The following KLHL8 variants were observed in gnomAD, a reference collection of about 807,000 sequenced individuals.
KLHL8 encodes kelch-like protein 8.
In KLHL8, 38 loss-of-function variants were observed where a neutral mutation model predicts 63.5. The ratio of observed to expected loss-of-function variants is 0.60; its 90% CI spans 0.46 to 0.78. KLHL8 has a LOEUF of 0.78. Among genes scored for constraint, KLHL8 ranks in the 30% least tolerant of loss-of-function variants. The pLI, the probability that KLHL8 is intolerant of heterozygous loss-of-function variation, is 0.00. For missense variants in KLHL8, 566 were observed against 752.4 expected (o/e 0.75, Z 2.90); for synonymous variants, 224 against 254.3 (o/e 0.88, Z 1.13).
At chr4:87,206,032 T>C (rs1051102755) in intron 1 of KLHL8, among the ~76,000 whole-genome samples, 8 of 152,222 alleles carry the variant, frequency 5.3e-5, no homozygotes, top group African/African-American at 9.6e-5. Flanking sequence ...CTTTTACAAG[T>C]AGCAACACCA....
At chr4:87,207,229 G>A in intron 1 of KLHL8, 1 of 565,566 alleles carries the variant, frequency 1.8e-6, no homozygotes, top group Non-Finnish European at 3.3e-6. Flanking sequence ...ACATGTTCCA[G>A]TAGGATTTTA....
At chr4:87,215,910 T>G (rs1470694020) in intron 1 of KLHL8, among the ~76,000 whole-genome samples, 1 of 152,206 alleles carries the variant, frequency 6.6e-6, no homozygotes, top group Non-Finnish European at 1.5e-5. Flanking sequence ...TAATAAAATT[T>G]TATACTCTAT....
At chr4:87,184,244 T>C (rs1429947837) in intron 3 of KLHL8, among the ~76,000 whole-genome samples, 2 of 152,218 alleles carry the variant, frequency 1.3e-5, no homozygotes, top group Non-Finnish European at 2.9e-5. Context: ...AAAATAATTC[T>C]GAGAAGATGT....
intron 1 of KLHL8, among the ~76,000 whole-genome samples, chr4:87,197,776 T>G (rs1377335698): frequency 1.3e-5 from 2 of 152,074 alleles, no homozygotes; most frequent in Non-Finnish European, 2.9e-5. Flanking sequence ...ACATTCCTGC[T>G]GCAAAATCAA....
At chr4:87,178,450 T>C (rs773563552) in intron 5 of KLHL8, 27 bp downstream of exon 5, 4 of 1,576,588 alleles carry the variant, frequency 2.5e-6, no homozygotes, top group African/African-American at 1.4e-5. Flanking sequence ...TGTGATCATA[T>C]GATATTTCAG....
intron 1 of KLHL8, chr4:87,207,467 C>G (rs1328169349): frequency 1.3e-6 from 1 of 744,776 alleles, no homozygotes; most frequent in African/African-American, 1.7e-5. Context: ...TTTGTTGACG[C>G]CCCCATGTTA....
At chr4:87,227,895 T>G (rs1424894411) in intron 1 of KLHL8, among the ~76,000 whole-genome samples, 6 of 152,158 alleles carry the variant, frequency 3.9e-5, no homozygotes, top group Non-Finnish European at 2.9e-5. Context: ...TTACAGTAAA[T>G]TATGCAACCC....
intron 1 of KLHL8, among the ~76,000 whole-genome samples, chr4:87,235,053 AGGGTTGG>A: frequency 3.3e-5 from 5 of 152,226 alleles, no homozygotes; most frequent in Non-Finnish European, 5.9e-5. Flanking sequence ...ACAGTAAGCT[AGGGTTGG>A]TTTATTACCA....
At chr4:87,180,493 C>T (rs1431415993) in intron 4 of KLHL8, among the ~76,000 whole-genome samples, 2 of 152,152 alleles carry the variant, frequency 1.3e-5, no homozygotes, top group African/African-American at 2.4e-5. Flanking sequence ...CCCATTATAC[C>T]TTATGAAGAT....
At chr4:87,197,702 T>C (rs541734766) in intron 1 of KLHL8, among the ~76,000 whole-genome samples, 1 of 152,310 alleles carries the variant, frequency 6.6e-6, no homozygotes, top group African/African-American at 2.4e-5. Context: ...TAAAATTTTA[T>C]CTGAGGAAAG....
At chr4:87,173,540 T>C (rs927512587) in intron 6 of KLHL8, among the ~76,000 whole-genome samples, 1 of 152,166 alleles carries the variant, frequency 6.6e-6, no homozygotes, top group South Asian at 2.1e-4. Flanking sequence ...AAAATAAAGA[T>C]AACCAGATAT....
intron 1 of KLHL8, among the ~76,000 whole-genome samples, chr4:87,216,370 C>CA (rs1280680183): frequency 1.3e-5 from 2 of 151,996 alleles, no homozygotes; most frequent in East Asian, 1.9e-4. Flanking sequence ...TTCCTTTCCA[C>CA]AAAAAACTAA....
At chr4:87,232,017 T>C (rs1483970738) in intron 1 of KLHL8, among the ~76,000 whole-genome samples, 1 of 152,232 alleles carries the variant, frequency 6.6e-6, no homozygotes, top group Non-Finnish European at 1.5e-5. Context: ...CTTTCAAAGC[T>C]AATAATTTCT....
intron 1 of KLHL8, among the ~76,000 whole-genome samples, chr4:87,210,252 C>T (rs915439753): frequency 6.6e-6 from 1 of 152,082 alleles, no homozygotes; most frequent in Non-Finnish European, 1.5e-5. Context: ...GAGGCCGAGG[C>T]GGGCGGATCA....
At position 87,163,025 on chromosome 4, in the gene KLHL8, G is replaced by A. The variant is rs1730232751; in HGVS notation, c.*494C>T. ...AAAAATCACCACCTAGAAAAAAAAA[G>A]CTAGGCATAAATTCATCAGCACCAA... On this transcript the variant is annotated 3_prime_UTR_variant, in exon 10 of 10. Transcript: ENST00000273963. The A allele has an allele frequency of 6.6e-6, 1 of 151,436 alleles. No individual in the cohort carries two copies. The highest frequency in any genetic ancestry group is 2.1e-4 in the South Asian group (1 of 4,756). The allele number at this position is 151,436 out of a possible 1,614,324, so 9.4% of individuals were successfully genotyped here.
chr4:87,165,023 C>T (rs1337272808), intron 8 of KLHL8, among the ~76,000 whole-genome samples: 1 of 151,720 alleles, frequency 6.6e-6, no homozygotes, highest in African/African-American at 2.4e-5. Flanking sequence ...GTGGCGGGCG[C>T]CTGTAGTCCC....
At chr4:87,229,050 A>G (rs1170345813) in intron 1 of KLHL8, among the ~76,000 whole-genome samples, 1 of 152,252 alleles carries the variant, frequency 6.6e-6, no homozygotes. Context: ...TTTTCAAAGA[A>G]GCAGAACCAG....
intron 8 of KLHL8, among the ~76,000 whole-genome samples, chr4:87,166,351 C>T (rs749956176): frequency 2.0e-5 from 3 of 152,148 alleles, no homozygotes; most frequent in African/African-American, 4.8e-5. Context: ...TGTTAAGTAA[C>T]ACAAACAATT....
At chr4:87,232,102 A>G (rs1245343445) in intron 1 of KLHL8, among the ~76,000 whole-genome samples, 3 of 152,248 alleles carry the variant, frequency 2.0e-5, no homozygotes, top group Non-Finnish European at 4.4e-5. Flanking sequence ...AGTGTATAAA[A>G]AGGATAATTA....
Sources: allele counts gnomAD v4.1 joint callset (sites outside exome capture counted in the v4.1 genomes callset), GRCh38; gene constraint gnomAD v4.1.1; transcripts MANE v1.5; gene names NCBI Gene and HGNC (gene_info 2026-07-23, HGNC 2026-07-21).